The following NT5C2 variants were observed in gnomAD, a reference collection of about 807,000 sequenced individuals.
NT5C2 encodes cytosolic purine 5'-nucleotidase.
Under a neutral mutation model 76.1 loss-of-function variants are expected in NT5C2, and 58 were observed. The observed-to-expected ratio is 0.76, with a 90% CI of 0.62 to 0.95. The LOEUF (loss-of-function observed/expected upper bound fraction) is 0.95, where lower values mean the gene tolerates loss of function less well. NT5C2 is among the 40% of genes least tolerant of loss of function. NT5C2 has a pLI of 0.00. For synonymous variants in NT5C2, 229 were observed against 237.4 expected (o/e 0.96, Z 0.32); for missense variants, 478 against 690.3 (o/e 0.69, Z 3.45).
intron 4 of NT5C2, among the ~76,000 whole-genome samples, chr10:103,129,895 C>G (rs1591239275): frequency 1.2e-5 from 1 of 86,450 alleles, no homozygotes; most frequent in South Asian, 5.1e-4. Flanking sequence ...TGTCAGCCCC[C>G]CGCCCGGCCA....
At chr10:103,121,018 A>T (rs963900601) in intron 4 of NT5C2, among the ~76,000 whole-genome samples, 10 of 152,240 alleles carry the variant, frequency 6.6e-5, no homozygotes, top group Non-Finnish European at 1.3e-4. Context: ...TAAAAGAAAT[A>T]AGCCAGACAC....
intron 3 of NT5C2, among the ~76,000 whole-genome samples, chr10:103,163,764 C>A (rs938663964): frequency 1.7e-4 from 26 of 150,690 alleles, no homozygotes; most frequent in Non-Finnish European, 3.7e-4. Flanking sequence ...CACCTGTAAT[C>A]CCAGCACTTT....
intron 16 of NT5C2, 70 bp from the exon 17 acceptor site, chr10:103,091,066 A>G (rs575905912): frequency 7.2e-7 from 1 of 1,382,958 alleles, no homozygotes; most frequent in African/African-American, 1.4e-5. Flanking sequence ...AGACAGTCTC[A>G]TTCTGTCACT....
At chr10:103,175,133 T>A (rs1011918529) in intron 2 of NT5C2, among the ~76,000 whole-genome samples, 151 bp from the exon 3 acceptor site, 1 of 152,136 alleles carries the variant, frequency 6.6e-6, no homozygotes, top group African/African-American at 2.4e-5. Context: ...ATGCTGAAAA[T>A]TATACTGACA....
chr10:103,139,236 ATCT>A (rs2079919978), intron 4 of NT5C2, among the ~76,000 whole-genome samples, 167 bp downstream of exon 4: 1 of 152,218 alleles, frequency 6.6e-6, no homozygotes, highest in Non-Finnish European at 1.5e-5. Context: ...TCTCAAGGAT[ATCT>A]GATAATTTCA....
chr10:103,167,655 A>C (rs1216573834), intron 3 of NT5C2, among the ~76,000 whole-genome samples: 1 of 151,912 alleles, frequency 6.6e-6, no homozygotes, highest in Admixed American at 6.5e-5. Context: ...TTTTTGAGAC[A>C]CAGTCTCACT....
chr10:103,110,149 G>A (rs1388065766), intron 4 of NT5C2, among the ~76,000 whole-genome samples: 2 of 152,084 alleles, frequency 1.3e-5, no homozygotes, highest in African/African-American at 4.8e-5. Flanking sequence ...AAAGCTCTTT[G>A]TAAGGCCAGG....
In NT5C2 at chr10:103,090,705, C is replaced by T; in HGVS notation, c.1355G>A (p.Ser452Asn). ...RSGSRQTLFA[S>N]QVMRYADLYA... The stretch of plus-strand genomic sequence containing the variant: ...GAGGTCAGCATAACGCATCACTTGA[C>T]TGGCAAAAAGGGTCTGCCGGGAGCC... The change falls in exon 18 of 19, where the codon AGT becomes AAT. Residue 452 changes from serine to asparagine, a missense_variant. Transcript: ENST00000404739. 6.2e-7 allele frequency: 1 copy of T among 1,614,170 alleles called. No individual in the cohort carries two copies. Among genetic ancestry groups the T allele is most frequent in the South Asian group, 1.1e-5 (1 of 91,082 alleles).
rs1165976475 is a variant in NT5C2 at position 103,088,859 on chromosome 10, T to C, written c.*813A>G. 1 of 201,428 alleles carries C rather than the reference T, an allele frequency of 5.0e-6. No individual in the cohort carries two copies. Among genetic ancestry groups the C allele is most frequent in the Non-Finnish European group, 1.0e-5 (1 of 97,874 alleles). 12.5% of individuals were successfully genotyped at this position (201,428 alleles called of 1,614,324 possible). A position where few individuals can be genotyped will look rare whatever the true frequency, so the allele number is the denominator to read the frequency against. On this transcript the variant is annotated 3_prime_UTR_variant, in exon 19 of 19. Transcript: ENST00000404739. The stretch of plus-strand genomic sequence containing the variant: ...TTGGGTAGCATGAGCCACAGCTATA[T>C]AGCCCACACTAATGCATGTTCTGTA...
intron 3 of NT5C2, among the ~76,000 whole-genome samples, chr10:103,150,434 C>T (rs1242761280): frequency 1.3e-5 from 2 of 152,132 alleles, no homozygotes; most frequent in East Asian, 3.9e-4. Flanking sequence ...AGTTAATGGA[C>T]ACTTGGTTTG....
chr10:103,089,681 C>T lies in NT5C2; in HGVS notation c.1677G>A (p.Glu559=), dbSNP rs774541114. 1.3e-5 allele frequency: 20 copies of T among 1,514,580 alleles called. No individual in the cohort carries two copies. The African/African-American group carries it at 1.7e-4, about 13-fold the overall frequency. 93.8% of individuals were successfully genotyped at this position (1,514,580 alleles called of 1,614,324 possible). ...DEDDDEEEEE[E]EE ...GTTTTGGTTTTCCTCCTTATTCTTCCTCCTCCTCCTCCTCTTCATCATCAT... is the reference window on the plus strand; with the variant it reads ...GTTTTGGTTTTCCTCCTTATTCTTCTTCCTCCTCCTCCTCTTCATCATCAT... The change falls in exon 19 of 19, where the codon GAG becomes GAA. Residue 559 remains glutamate, a synonymous_variant. Transcript: ENST00000404739.
intron 4 of NT5C2, chr10:103,111,685 G>A: frequency 9.0e-7 from 1 of 1,112,730 alleles, no homozygotes; most frequent in Non-Finnish European, 1.1e-6. Flanking sequence ...GAAAAATAAA[G>A]GGCAAACCTC....
intron 3 of NT5C2, among the ~76,000 whole-genome samples, chr10:103,173,999 G>C (rs1165803807): frequency 6.6e-6 from 1 of 151,888 alleles, no homozygotes; most frequent in South Asian, 2.1e-4. Flanking sequence ...GGGAGGCTGA[G>C]GCAGGAGAAC....
chr10:103,122,040 G>A (rs1354467567), intron 4 of NT5C2, among the ~76,000 whole-genome samples: 1 of 152,126 alleles, frequency 6.6e-6, no homozygotes, highest in Non-Finnish European at 1.5e-5. Context: ...CAGGCGTGGT[G>A]GCAGACGCCT....
chr10:103,125,392 C>T (rs1355314679), intron 4 of NT5C2: 2 of 288,510 alleles, frequency 6.9e-6, no homozygotes, highest in Non-Finnish European at 1.3e-5. Flanking sequence ...TTGAGGGCAT[C>T]AGCCAAGTCG....
At chr10:103,177,251 T>C (rs2090159374) in intron 2 of NT5C2, among the ~76,000 whole-genome samples, 1 of 152,200 alleles carries the variant, frequency 6.6e-6, no homozygotes, top group Admixed American at 6.6e-5. Flanking sequence ...ACTAAAACAT[T>C]CCATCTAATT....
intron 5 of NT5C2, 101 bp from the exon 6 acceptor site, chr10:103,105,902 G>C: frequency 1.3e-6 from 1 of 763,506 alleles, no homozygotes; most frequent in Non-Finnish European, 2.2e-6. Flanking sequence ...TTTAATTCAA[G>C]CTTTGTACCA....
At chr10:103,192,216 A>G (rs948382667) in intron 1 of NT5C2, among the ~76,000 whole-genome samples, 1 of 152,172 alleles carries the variant, frequency 6.6e-6, no homozygotes, top group African/African-American at 2.4e-5. Context: ...TGAATAGTCT[A>G]CAGACACTGG....
chr10:103,163,302 T>G (rs2085394590), intron 3 of NT5C2, among the ~76,000 whole-genome samples: 1 of 151,828 alleles, frequency 6.6e-6, no homozygotes. Flanking sequence ...TATCTAGGAG[T>G]GGGATTTCTG....
Sources: gnomAD v4.1 joint callset for allele counts (sites outside exome capture counted in the v4.1 genomes callset) on GRCh38, gnomAD v4.1.1 for gene constraint, MANE v1.5 for transcripts, NCBI Gene and HGNC (gene_info 2026-07-23, HGNC 2026-07-21) for gene names.